Variants in BCL2 observed in about 807,000 individuals in gnomAD.
The protein encoded by BCL2 is apoptosis regulator Bcl-2.
Under a neutral mutation model 14.2 loss-of-function variants are expected in BCL2, and 1 was observed. That is an observed-to-expected ratio of 0.07 (90% CI 0.02 to 0.33). The LOEUF is 0.33. Among genes scored for constraint, BCL2 ranks in the 10% least tolerant of loss-of-function variants. BCL2 has a pLI of 0.99. For missense variants in BCL2, 247 were observed against 305.9 expected (o/e 0.81, Z 1.44); for synonymous variants, 151 against 137.2 (o/e 1.10, Z -0.70).
At chr18:63,237,925 C>T (rs891447239) in intron 2 of BCL2, among the ~76,000 whole-genome samples, 1 of 144,132 alleles carries the variant, frequency 6.9e-6, no homozygotes, top group African/African-American at 2.6e-5. Context: ...GTTTCAAAAG[C>T]GTTCATTCCA....
At chr18:63,211,382 A>C (rs4987787) in intron 2 of BCL2, among the ~76,000 whole-genome samples, 10,361 of 152,008 alleles carry the variant, frequency 0.068, 442 homozygotes, top group South Asian at 0.13. Context: ...CTTTCCAAAG[A>C]CTGCAGAAAT....
At chr18:63,218,902 C>T (rs1400838062) in intron 2 of BCL2, among the ~76,000 whole-genome samples, 2 of 151,674 alleles carry the variant, frequency 1.3e-5, no homozygotes, top group Admixed American at 6.6e-5. Context: ...TTCTGAATCT[C>T]ATTTCTGGCT....
intron 2 of BCL2, among the ~76,000 whole-genome samples, chr18:63,268,448 G>GC (rs1911902621): frequency 6.6e-6 from 1 of 152,194 alleles, no homozygotes; most frequent in Non-Finnish European, 1.5e-5. Flanking sequence ...ATTCAAGGAT[G>GC]CCAGCTTTGT....
chr18:63,211,063 C>CTTTTTTTTTTTTTTTTTT (rs59302545), intron 2 of BCL2, among the ~76,000 whole-genome samples: 24 of 59,154 alleles, frequency 4.1e-4, no homozygotes, highest in Admixed American at 1.1e-3. Context: ...CTTTTCATTT[C>CTTTTTTTTTTTTTTTTTT]TTTTTTTTTT....
chr18:63,304,082 A>C (rs1913046805), intron 2 of BCL2, among the ~76,000 whole-genome samples: 1 of 152,220 alleles, frequency 6.6e-6, no homozygotes, highest in Non-Finnish European at 1.5e-5. Context: ...AGACCAAGGA[A>C]GAAGTTAATA....
At chr18:63,233,655 C>G (rs1288899823) in intron 2 of BCL2, among the ~76,000 whole-genome samples, 1 of 152,172 alleles carries the variant, frequency 6.6e-6, no homozygotes, top group Non-Finnish European at 1.5e-5. Flanking sequence ...TGCTGGCTCT[C>G]CTGCAGCTCA....
At chr18:63,317,639 G>A in intron 2 of BCL2, 1 of 1,017,368 alleles carries the variant, frequency 9.8e-7, no homozygotes, top group Non-Finnish European at 1.2e-6. Flanking sequence ...CAACGGGCTT[G>A]TTTCAGGGGA....
At chr18:63,209,158 T>C (rs1909926332) in intron 2 of BCL2, among the ~76,000 whole-genome samples, 1 of 152,142 alleles carries the variant, frequency 6.6e-6, no homozygotes, top group Non-Finnish European at 1.5e-5. Flanking sequence ...GTAGGGTCCT[T>C]CGTCAAGGAG....
chr18:63,231,865 G>C (rs935848170), intron 2 of BCL2, among the ~76,000 whole-genome samples: 2 of 151,994 alleles, frequency 1.3e-5, no homozygotes, highest in Non-Finnish European at 1.5e-5. Context: ...TCCAAAAGCA[G>C]CCAAGATAAC....
chr18:63,152,695 T>C (rs1016828765), intron 2 of BCL2, among the ~76,000 whole-genome samples: 2 of 152,234 alleles, frequency 1.3e-5, no homozygotes, highest in Non-Finnish European at 2.9e-5. Context: ...TAGCTTATCA[T>C]GTGCTTGTCC....
At chr18:63,268,273 C>A (rs1026623804) in intron 2 of BCL2, among the ~76,000 whole-genome samples, 2 of 152,208 alleles carry the variant, frequency 1.3e-5, no homozygotes, top group Non-Finnish European at 1.5e-5. Context: ...CTTGTGCTCA[C>A]TGTCTTCAGC....
intron 2 of BCL2, among the ~76,000 whole-genome samples, chr18:63,167,250 T>G (rs1197593916): frequency 6.6e-6 from 1 of 152,228 alleles, no homozygotes; most frequent in Non-Finnish European, 1.5e-5. Context: ...CATCTATCTA[T>G]TCATCTATCA....
At chr18:63,211,294 G>C (rs1318818751) in intron 2 of BCL2, among the ~76,000 whole-genome samples, 3 of 152,000 alleles carry the variant, frequency 2.0e-5, no homozygotes, top group African/African-American at 7.2e-5. Flanking sequence ...CTGACCTCAA[G>C]TGACCTGCCT....
chr18:63,157,414 G>A (rs1361303915), intron 2 of BCL2, among the ~76,000 whole-genome samples: 1 of 152,202 alleles, frequency 6.6e-6, no homozygotes, highest in Non-Finnish European at 1.5e-5. Flanking sequence ...CTGTACCCCA[G>A]GAGGTGGCTT....
At chr18:63,280,204 A>G (rs1236942645) in intron 2 of BCL2, among the ~76,000 whole-genome samples, 1 of 152,220 alleles carries the variant, frequency 6.6e-6, no homozygotes, top group Non-Finnish European at 1.5e-5. Context: ...TAGGCTTTGG[A>G]GTGAGACATA....
chr18:63,236,188 C>T (rs1878234025), intron 2 of BCL2, among the ~76,000 whole-genome samples: 1 of 152,222 alleles, frequency 6.6e-6, no homozygotes, highest in African/African-American at 2.4e-5. Flanking sequence ...CTTCACCTTC[C>T]ACAGATTGTG....
chr18:63,237,352 T>C (rs1910870355), intron 2 of BCL2, among the ~76,000 whole-genome samples: 2 of 152,154 alleles, frequency 1.3e-5, no homozygotes, highest in South Asian at 2.1e-4. Context: ...GCTGTAGGAA[T>C]TGTTAAATAA....
intron 2 of BCL2, among the ~76,000 whole-genome samples, chr18:63,232,074 A>C (rs1023909077): frequency 6.6e-6 from 1 of 152,094 alleles, no homozygotes; most frequent in Non-Finnish European, 1.5e-5. Context: ...GAAAACAAAA[A>C]CTAAACTAAT....
intron 2 of BCL2, among the ~76,000 whole-genome samples, chr18:63,241,266 T>C (rs183097449): frequency 1.3e-4 from 20 of 152,308 alleles, no homozygotes; most frequent in African/African-American, 3.6e-4. Flanking sequence ...TGAGACAAAG[T>C]GCAGAAAACA....
Sources: gnomAD v4.1 joint callset for allele counts (sites outside exome capture counted in the v4.1 genomes callset) on GRCh38, gnomAD v4.1.1 for gene constraint, MANE v1.5 for transcripts, NCBI Gene and HGNC (gene_info 2026-07-23, HGNC 2026-07-21) for gene names.